The following HIBCH variants were observed in gnomAD, a reference collection of about 807,000 sequenced individuals.
HIBCH encodes the protein 3-hydroxyisobutyryl-CoA hydrolase, also known as 3-hydroxyisobutyryl-CoA hydrolase, mitochondrial.
In HIBCH, 50 loss-of-function variants were observed where a neutral mutation model predicts 58.2. That is an observed-to-expected ratio of 0.86 (90% CI 0.68 to 1.09). HIBCH has a LOEUF of 1.09. HIBCH is among the 50% of genes least tolerant of loss of function. The pLI is 0.00. For synonymous variants in HIBCH, 151 were observed against 146.9 expected, an observed-to-expected ratio of 1.03 and a Z score of -0.20; for missense variants, 450 against 449.7, an observed-to-expected ratio of 1.00 and a Z score of -0.01.
intron 9 of HIBCH, among the ~76,000 whole-genome samples, chr2:190,246,604 G>C (rs1686615278): frequency 6.6e-6 from 1 of 152,194 alleles, no homozygotes; most frequent in African/African-American, 2.4e-5. Flanking sequence ...GACCTTCAGG[G>C]AGAGAAAGCA....
rs569696253 is a variant in HIBCH at position 190,304,591 on chromosome 2, G to A, written c.78+6163C>T. Reference sequence around the variant, plus strand: ...TAAATTTCGAAATGAGTTTTGGAGCGGGCAAATATTCAAACCACGAAACCA... The same window carrying A: ...TAAATTTCGAAATGAGTTTTGGAGCAGGCAAATATTCAAACCACGAAACCA... On this transcript the variant is annotated intron_variant, in intron 2 of 13. Transcript: ENST00000359678. This position sits in a 1 kb window ranked among gnomAD's most constrained non-coding sequence, Gnocchi z 4.1. 3.3e-5 allele frequency among the ~76,000 whole-genome samples: 5 copies of A among 152,200 alleles called. No individual in the cohort carries two copies. Among genetic ancestry groups the A allele is most frequent in the East Asian group, 3.9e-4 (2 of 5,186 alleles).
intron 2 of HIBCH, among the ~76,000 whole-genome samples, chr2:190,309,563 T>C (rs1688505234): frequency 6.7e-6 from 1 of 150,372 alleles, no homozygotes; most frequent in East Asian, 1.9e-4. Context: ...GCTAGATTTT[T>C]TTTTTTTTTT....
chr2:190,290,979 C>T (rs553522864), intron 4 of HIBCH, among the ~76,000 whole-genome samples: 21 of 152,188 alleles, frequency 1.4e-4, no homozygotes, highest in African/African-American at 4.8e-4. Context: ...CCACTGTACT[C>T]TAGCCTGGAG....
intron 6 of HIBCH, among the ~76,000 whole-genome samples, chr2:190,273,995 T>A (rs1687479108): frequency 6.6e-6 from 1 of 151,904 alleles, no homozygotes; most frequent in South Asian, 2.1e-4. Context: ...AGACACAGAG[T>A]CTCGCTATAT....
chr2:190,272,951 C>T (rs916368962), intron 6 of HIBCH, among the ~76,000 whole-genome samples: 5 of 152,088 alleles, frequency 3.3e-5, no homozygotes, highest in Admixed American at 3.3e-4. Flanking sequence ...GGTATATTGC[C>T]AAGCAGCAAA....
At chr2:190,208,538 T>C (rs1690446952) in intron 13 of HIBCH, 1 of 339,950 alleles carries the variant, frequency 2.9e-6, no homozygotes, top group South Asian at 2.7e-5. Context: ...ATATCCCAGA[T>C]GGTAACATAT....
chr2:190,286,494 A>G (rs1397306579), intron 6 of HIBCH, among the ~76,000 whole-genome samples: 1 of 152,086 alleles, frequency 6.6e-6, no homozygotes, highest in Non-Finnish European at 1.5e-5. Flanking sequence ...ATCGGTGAGG[A>G]AAAGACATTA....
intron 11 of HIBCH, chr2:190,220,452 A>T (rs1465858461): frequency 6.6e-6 from 1 of 152,114 alleles, no homozygotes; most frequent in Non-Finnish European, 1.5e-5. Flanking sequence ...AGTTCAAGGA[A>T]AATCAGTATC....
chr2:190,249,599 C>G (rs763158567), intron 9 of HIBCH, 41 bp downstream of exon 9: 1 of 1,154,892 alleles, frequency 8.7e-7, no homozygotes. Context: ...CTTCCCCTCC[C>G]CATGAATTAA....
Position 190,213,054 on chromosome 2 carries a change from T to C in HIBCH, c.913A>G (p.Thr305Ala), listed in dbSNP as rs558397748. 15 of 1,608,644 alleles carry C rather than the reference T, an allele frequency of 9.3e-6. No homozygotes were observed. The highest frequency in any genetic ancestry group is 1.7e-4 in the Middle Eastern group (1 of 6,022). The change falls in exon 12 of 14, where the codon ACA (threonine) becomes GCA (alanine). Residue 305 changes from threonine (T) to alanine (A), a missense_variant. Coordinates refer to ENST00000359678, the MANE Select transcript of HIBCH (RefSeq NM_014362.4). ...TGCCTTAGTGTGATCTTTAGAGATGTTGGAGACATTTTATTAATTACCTTT... is the reference window on the plus strand; with the variant it reads ...TGCCTTAGTGTGATCTTTAGAGATGCTGGAGACATTTTATTAATTACCTTT... Reference protein sequence around the residue: ...QLKVINKMSPTSLKITLRQLM... With the variant: ...QLKVINKMSPASLKITLRQLM...
chr2:190,278,198 G>A (rs1370913499), intron 6 of HIBCH, among the ~76,000 whole-genome samples: 2 of 151,990 alleles, frequency 1.3e-5, no homozygotes, highest in South Asian at 2.1e-4. Flanking sequence ...AGATGGGGCA[G>A]GGAAAGAATC....
chr2:190,213,200 G>T, intron 11 of HIBCH, 125 bp from the exon 12 acceptor site: 1 of 802,522 alleles, frequency 1.2e-6, no homozygotes, highest in Non-Finnish European at 2.0e-6. Context: ...TTATACCCTA[G>T]CTTAATCCTG....
chr2:190,193,151 G>A (rs1053096854), intron 1 of HIBCH, among the ~76,000 whole-genome samples: 1 of 151,894 alleles, frequency 6.6e-6, no homozygotes, highest in Non-Finnish European at 1.5e-5. Context: ...TTAATACTTT[G>A]CTGGGATTTT....
At chr2:190,300,022 T>C (rs1167034964) in intron 2 of HIBCH, among the ~76,000 whole-genome samples, 1 of 152,210 alleles carries the variant, frequency 6.6e-6, no homozygotes, top group East Asian at 1.9e-4. Context: ...GGCTGTATAG[T>C]ATTCTATGGT....
intron 11 of HIBCH, among the ~76,000 whole-genome samples, chr2:190,244,146 T>C (rs57110838): frequency 0.3 from 44,976 of 150,658 alleles, 7,477 homozygotes; most frequent in East Asian, 0.45. Flanking sequence ...TATATATATA[T>C]ACACACACAC....
At chr2:190,203,328 CAGA>C (rs1380173699), downstream of HIBCH, 1 of 167,016 alleles carries the variant, frequency 6.0e-6, no homozygotes, top group African/African-American at 2.4e-5. Flanking sequence ...GGCATTAGTT[CAGA>C]AGCACTACCT....
At chr2:190,244,057 T>C (rs1686531791) in intron 11 of HIBCH, among the ~76,000 whole-genome samples, 1 of 152,224 alleles carries the variant, frequency 6.6e-6, no homozygotes, top group Non-Finnish European at 1.5e-5. Flanking sequence ...TTTCTCAATA[T>C]GTTTCCTGAC....
intron 11 of HIBCH, among the ~76,000 whole-genome samples, chr2:190,241,679 A>G (rs1207280042): frequency 1.3e-5 from 2 of 152,156 alleles, no homozygotes; most frequent in East Asian, 3.9e-4. Context: ...ATCCCTCAGC[A>G]TTTGCTCATC....
At chr2:190,288,468 T>C (rs1056987377) in intron 5 of HIBCH, among the ~76,000 whole-genome samples, 4 of 149,712 alleles carry the variant, frequency 2.7e-5, no homozygotes, top group Non-Finnish European at 5.9e-5. Flanking sequence ...CTTTTGCACA[T>C]GGGAAATAAG....
Sources: gnomAD v4.1 joint callset for allele counts (sites outside exome capture counted in the v4.1 genomes callset) on GRCh38, gnomAD v4.1.1 for gene constraint, Gnocchi (gnomAD v3.1) non-coding constraint, MANE v1.5 for transcripts, NCBI Gene and HGNC (gene_info 2026-07-23, HGNC 2026-07-21) for gene names.